Variants in FOXP2 observed in about 807,000 individuals in gnomAD.
FOXP2 encodes forkhead box P2, also known as forkhead box protein P2.
A neutral mutation model predicts 115.8 loss-of-function variants in FOXP2; 12 were observed. The ratio of observed to expected loss-of-function variants is 0.10; its 90% CI spans 0.07 to 0.17. The LOEUF is 0.17. FOXP2 is among the 10% of genes least tolerant of loss of function. The probability of loss-of-function intolerance (pLI) is 1.00; values close to 1 mark genes in which losing one functional copy is unlikely to be tolerated. For missense variants in FOXP2, 629 were observed against 843.5 expected (o/e 0.75, Z 3.15); for synonymous variants, 328 against 297.7 (o/e 1.10, Z -1.05).
intron 1 of FOXP2, among the ~76,000 whole-genome samples, chr7:114,115,474 T>C (rs1791378030): frequency 6.6e-6 from 1 of 152,104 alleles, no homozygotes; most frequent in South Asian, 2.1e-4. Context: ...CTGTCTCCTT[T>C]CCCCTGGCTC....
intron 1 of FOXP2, among the ~76,000 whole-genome samples, chr7:114,198,919 CA>C (rs1210578617): frequency 2.0e-5 from 3 of 152,190 alleles, no homozygotes; most frequent in Non-Finnish European, 2.9e-5. Flanking sequence ...AGTCTGGAGG[CA>C]GAATTTCCTC....
chr7:114,439,384 T>C (rs2129211522), intron 2 of FOXP2, among the ~76,000 whole-genome samples: 1 of 152,294 alleles, frequency 6.6e-6, no homozygotes. Context: ...TATATATTTT[T>C]GTAATTGGGG....
At chr7:114,297,642 G>A (rs1013310051) in intron 2 of FOXP2, among the ~76,000 whole-genome samples, 3 of 152,174 alleles carry the variant, frequency 2.0e-5, no homozygotes, top group African/African-American at 7.2e-5. Context: ...GCCTTTTAAA[G>A]TAACGTTGTC....
chr7:114,534,711 G>C lies in FOXP2; in HGVS notation c.258+5G>C. On this transcript the variant is annotated splice_donor_5th_base_variant and intron_variant, in intron 3 of 16. Transcript: ENST00000350908. ...GATAAACAGAGACCACTGCAGGTTAGTAAAGCACTCCTGTCCTTGGGGTCT... is the reference window on the plus strand; with the variant it reads ...GATAAACAGAGACCACTGCAGGTTACTAAAGCACTCCTGTCCTTGGGGTCT... 1 of 1,607,910 alleles carries C rather than the reference G, an allele frequency of 6.2e-7. No homozygotes were observed. The highest frequency in any genetic ancestry group is 8.5e-7 in the Non-Finnish European group (1 of 1,174,962).
chr7:114,505,056 A>G (rs963311874), intron 2 of FOXP2, among the ~76,000 whole-genome samples: 1 of 151,644 alleles, frequency 6.6e-6, no homozygotes, highest in Non-Finnish European at 1.5e-5. Flanking sequence ...TCGTATATGC[A>G]TATCCTCAAA....
intron 1 of FOXP2, among the ~76,000 whole-genome samples, chr7:114,261,466 G>A (rs1795747867): frequency 6.6e-6 from 1 of 152,086 alleles, no homozygotes; most frequent in Non-Finnish European, 1.5e-5. Flanking sequence ...GACTATTCAG[G>A]TTAAAAGTAC....
chr7:114,565,570 T>C (rs974812314), intron 3 of FOXP2, among the ~76,000 whole-genome samples: 1 of 152,152 alleles, frequency 6.6e-6, no homozygotes, highest in Non-Finnish European at 1.5e-5. Flanking sequence ...CCAAAGATTA[T>C]TTTACATGCT....
intron 1 of FOXP2, among the ~76,000 whole-genome samples, chr7:114,215,915 G>A (rs958595588): frequency 2.0e-5 from 3 of 152,150 alleles, no homozygotes; most frequent in African/African-American, 7.2e-5. Context: ...CCTCAGTAGA[G>A]TCTGAATTGG....
At chr7:114,225,312 C>G (rs887116788) in intron 1 of FOXP2, among the ~76,000 whole-genome samples, 8 of 151,902 alleles carry the variant, frequency 5.3e-5, no homozygotes, top group Non-Finnish European at 7.4e-5. Context: ...GCCTTCCCCC[C>G]CTCCCCCTTT....
chr7:114,415,498 GCA>G (rs1329637648), intron 1 of FOXP2, 138 bp downstream of exon 1: 1 of 358,506 alleles, frequency 2.8e-6, no homozygotes, highest in African/African-American at 2.2e-5. Context: ...ATGAACTAGA[GCA>G]TTGTATCTGT....
At chr7:114,252,801 G>C (rs1385559807) in intron 1 of FOXP2, among the ~76,000 whole-genome samples, 1 of 152,046 alleles carries the variant, frequency 6.6e-6, no homozygotes, top group Non-Finnish European at 1.5e-5. Flanking sequence ...CTTCAGTTCT[G>C]CTCTGATCTT....
intron 1 of FOXP2, among the ~76,000 whole-genome samples, chr7:114,186,297 G>A (rs1793605453): frequency 6.6e-6 from 1 of 152,086 alleles, no homozygotes; most frequent in African/African-American, 2.4e-5. Flanking sequence ...TCACATATGG[G>A]TGAGACTCAA....
At chr7:114,335,400 A>G (rs1436835036) in intron 2 of FOXP2, among the ~76,000 whole-genome samples, 1 of 152,028 alleles carries the variant, frequency 6.6e-6, no homozygotes, top group African/African-American at 2.4e-5. Context: ...TTAGATCACA[A>G]AGAAACAATT....
chr7:114,637,824 C>T (rs1020030792), intron 6 of FOXP2, among the ~76,000 whole-genome samples: 4 of 152,018 alleles, frequency 2.6e-5, no homozygotes, highest in South Asian at 2.1e-4. Context: ...GGAAGCTCTG[C>T]GACAGAGTAG....
At chr7:114,157,210 A>G (rs1484376453) in intron 1 of FOXP2, among the ~76,000 whole-genome samples, 1 of 152,148 alleles carries the variant, frequency 6.6e-6, no homozygotes. Flanking sequence ...TACATTCTCT[A>G]TTTTCAAATA....
intron 5 of FOXP2, 45 bp downstream of exon 5, chr7:114,630,050 G>A: frequency 6.2e-7 from 1 of 1,603,300 alleles, no homozygotes; most frequent in Non-Finnish European, 8.5e-7. Context: ...TTGCAGTTAA[G>A]AAGGGGCTTT....
At chr7:114,687,516 T>G (rs1005142431) in intron 16 of FOXP2, among the ~76,000 whole-genome samples, 1 of 152,154 alleles carries the variant, frequency 6.6e-6, no homozygotes, top group Admixed American at 6.5e-5. Context: ...AACTAATAAT[T>G]TTTCTCGCTT....
chr7:114,647,852 AG>A (rs1423305390), intron 8 of FOXP2, among the ~76,000 whole-genome samples: 1 of 152,036 alleles, frequency 6.6e-6, no homozygotes, highest in African/African-American at 2.4e-5. Flanking sequence ...CATTCCATTT[AG>A]CAGACAAGTG....
intron 2 of FOXP2, among the ~76,000 whole-genome samples, chr7:114,377,961 C>T (rs756775676): frequency 1.2e-4 from 19 of 152,064 alleles, no homozygotes; most frequent in Admixed American, 2.6e-4. Flanking sequence ...CTGGCATGCT[C>T]GCTCCCCTCT....
Sources: allele counts gnomAD v4.1 joint callset (sites outside exome capture counted in the v4.1 genomes callset), GRCh38; gene constraint gnomAD v4.1.1; transcripts MANE v1.5; gene names NCBI Gene and HGNC (gene_info 2026-07-23, HGNC 2026-07-21).